Variants in ZNF875 observed in about 807,000 individuals in gnomAD.
ZNF875 encodes the protein zinc finger protein 875.
A neutral mutation model predicts 11.2 loss-of-function variants in ZNF875; 14 were observed. The ratio of observed to expected loss-of-function variants is 1.26; its 90% CI spans 0.83 to 1.96. The LOEUF (loss-of-function observed/expected upper bound fraction) is 1.96, where lower values mean the gene tolerates loss of function less well. Ranked by LOEUF, ZNF875 falls within the 30% of genes most tolerant of loss-of-function variation. The pLI is 0.00. For missense variants in ZNF875, 752 were observed against 760.4 expected (o/e 0.99, Z 0.13); for synonymous variants, 301 against 281.1 (o/e 1.07, Z -0.71).
upstream of ZNF875, among the ~76,000 whole-genome samples, chr19:37,331,309 A>C (rs1260617031): frequency 2.0e-5 from 3 of 147,846 alleles, no homozygotes; most frequent in Non-Finnish European, 4.5e-5. Flanking sequence ...GGCTCACTGC[A>C]ACTTCTGCCT....
At chr19:37,336,710 C>T (rs2034513033) in intron 2 of ZNF875, among the ~76,000 whole-genome samples, 1 of 150,146 alleles carries the variant, frequency 6.7e-6, no homozygotes, top group African/African-American at 2.4e-5. Flanking sequence ...AGATGGAGAC[C>T]ATCCTGGCTG....
chr19:37,315,868 A>G (rs1162960223), upstream of ZNF875, among the ~76,000 whole-genome samples: 1 of 151,990 alleles, frequency 6.6e-6, no homozygotes, highest in African/African-American at 2.4e-5. Context: ...ATTTCTCTAG[A>G]GTCTTGGAAA....
At chr19:37,345,365 C>G (rs542048113) in intron 2 of ZNF875, among the ~76,000 whole-genome samples, 6 of 152,230 alleles carry the variant, frequency 3.9e-5, no homozygotes, top group Admixed American at 2.0e-4. Context: ...AGTCTTAAGG[C>G]CATTTCATAG....
chr19:37,312,838 G>A (rs1272006752), exon 1 of ZNF875: 1 of 152,176 alleles, frequency 6.6e-6, no homozygotes, highest in East Asian at 1.9e-4. Context: ...TGGATCTGCA[G>A]GTCCCGCCTC....
intron 2 of ZNF875, among the ~76,000 whole-genome samples, chr19:37,322,705 C>T (rs2031712844): frequency 6.6e-6 from 1 of 152,174 alleles, no homozygotes; most frequent in Non-Finnish European, 1.5e-5. Context: ...TGTTGCTGCT[C>T]TAACTTTGCC....
At position 37,362,387 on chromosome 19, in the gene ZNF875, A is replaced by G; in HGVS notation, c.535A>G (p.Ser179Gly). 1 of 1,614,140 alleles carries G rather than the reference A, an allele frequency of 6.2e-7. No homozygotes were observed. The highest frequency in any genetic ancestry group is 8.5e-7 in the Non-Finnish European group (1 of 1,180,030). ...SKNGTSKALS[S>G]PPEEQQPAQS... ...AAATGGCACTTCAAAGGCACTTTCCAGCCCACCTGAAGAACAACAGCCAGC... is the reference window on the plus strand; with the variant it reads ...AAATGGCACTTCAAAGGCACTTTCCGGCCCACCTGAAGAACAACAGCCAGC... The change falls in exon 5 of 5, where the codon AGC becomes GGC. Residue 179 changes from serine to glycine, a missense_variant. Physicochemically the swap from Ser to Gly is moderately conservative, Grantham distance 56. Transcript: ENST00000392153.
intron 2 of ZNF875, among the ~76,000 whole-genome samples, chr19:37,343,111 G>A (rs941885851): frequency 6.6e-6 from 1 of 152,112 alleles, no homozygotes; most frequent in East Asian, 1.9e-4. Context: ...GGCCGAGGCG[G>A]GCGGATCATG....
intron 1 of ZNF875, among the ~76,000 whole-genome samples, chr19:37,319,595 A>G (rs1449069814): frequency 1.3e-5 from 2 of 151,946 alleles, no homozygotes; most frequent in Non-Finnish European, 2.9e-5. Context: ...TGTTACTAAA[A>G]TTAAGCTATG....
intron 4 of ZNF875, among the ~76,000 whole-genome samples, chr19:37,357,516 T>TTTGTA (rs2146561989): frequency 6.6e-6 from 1 of 152,304 alleles, no homozygotes; most frequent in East Asian, 1.9e-4. Flanking sequence ...TCATCAGTGT[T>TTTGTA]TTGTAGTTCT....
At chr19:37,336,327 T>C (rs1311686552) in intron 2 of ZNF875, among the ~76,000 whole-genome samples, 3 of 138,198 alleles carry the variant, frequency 2.2e-5, no homozygotes, top group African/African-American at 8.1e-5. Context: ...TGAGACCGAG[T>C]CTCACTCTGT....
At chr19:37,332,414 G>T (rs930744870), upstream of ZNF875, among the ~76,000 whole-genome samples, 2 of 152,004 alleles carry the variant, frequency 1.3e-5, no homozygotes, top group Admixed American at 1.3e-4. Flanking sequence ...ATGGGGTTTC[G>T]CAATGTTGGC....
At chr19:37,328,802 C>G (rs1395251389) in intron 4 of ZNF875, 1 of 152,208 alleles carries the variant, frequency 6.6e-6, no homozygotes, top group Admixed American at 6.5e-5. Context: ...TGTAAATGCT[C>G]TTTGAGTGTC....
At chr19:37,340,743 G>C (rs1309996366) in intron 2 of ZNF875, among the ~76,000 whole-genome samples, 1 of 148,940 alleles carries the variant, frequency 6.7e-6, no homozygotes, top group African/African-American at 2.5e-5. Flanking sequence ...CCGCCTCCTG[G>C]GTTCACGCCA....
chr19:37,363,311 T>A lies in ZNF875; in HGVS notation c.1459T>A (p.Phe487Ile), dbSNP rs780521811. The A allele has an allele frequency of 6.2e-7, 1 of 1,610,804 alleles. No homozygotes were observed. The highest frequency in any genetic ancestry group is 1.7e-5 in the Admixed American group (1 of 59,868). ...PFVCTECGRG[F>I]TRKSTLSTHQ... ...TGTATGTACGGAGTGTGGGCGAGGCTTTACCCGGAAATCAACCCTGAGCAC... is the reference window on the plus strand; with the variant it reads ...TGTATGTACGGAGTGTGGGCGAGGCATTACCCGGAAATCAACCCTGAGCAC... Residue 487 changes from phenylalanine (F) to isoleucine (I), a missense_variant, in exon 5 of 5, where the codon TTT becomes ATT. Transcript: ENST00000392153.
intron 1 of ZNF875, among the ~76,000 whole-genome samples, chr19:37,320,263 G>A (rs557364501): frequency 6.6e-6 from 1 of 152,314 alleles, no homozygotes. Flanking sequence ...CATACCTCTA[G>A]CCAAAATATA....
At chr19:37,316,197 T>C (rs553183735), upstream of ZNF875, among the ~76,000 whole-genome samples, 2 of 152,260 alleles carry the variant, frequency 1.3e-5, no homozygotes, top group East Asian at 3.9e-4. Flanking sequence ...GTCAATTAAA[T>C]TACAGAAAAG....
rs201641868 is a variant in ZNF875 at position 37,363,720 on chromosome 19, G to C, written c.1868G>C (p.Arg623Pro). 1 of 1,613,954 alleles carries C rather than the reference G, an allele frequency of 6.2e-7. No homozygotes were observed. The highest frequency in any genetic ancestry group is 1.7e-5 in the Admixed American group (1 of 59,992). Reference protein sequence around the residue: ...EKPYICRKCGRGFSRKSNLIR... With the variant: ...EKPYICRKCGPGFSRKSNLIR... ...CCTTATATTTGCAGAAAGTGTGGAC[G>C]GGGCTTTAGTCGGAAGTCCAACCTT... The change falls in exon 5 of 5, where the codon CGG becomes CCG. Residue 623 changes from arginine to proline, a missense_variant. Arg to Pro is a moderately radical substitution (Grantham distance 103). Transcript: ENST00000392153.
At chr19:37,314,620 T>A (rs543573851), upstream of ZNF875, among the ~76,000 whole-genome samples, 1 of 152,114 alleles carries the variant, frequency 6.6e-6, no homozygotes, top group South Asian at 2.1e-4. Flanking sequence ...AGGTCAGAAG[T>A]TCGAGAGCAT....
At chr19:37,352,536 G>T (rs1018398309) in intron 4 of ZNF875, among the ~76,000 whole-genome samples, 1 of 152,056 alleles carries the variant, frequency 6.6e-6, no homozygotes, top group African/African-American at 2.4e-5. Flanking sequence ...GAGCCACCAT[G>T]TCTGGCCCAT....
Sources: gnomAD v4.1 joint callset for allele counts (sites outside exome capture counted in the v4.1 genomes callset) on GRCh38, gnomAD v4.1.1 for gene constraint, MANE v1.5 for transcripts, NCBI Gene and HGNC (gene_info 2026-07-23, HGNC 2026-07-21) for gene names.